The following TRHDE variants were observed in gnomAD, a reference collection of about 807,000 sequenced individuals.
TRHDE encodes the protein thyrotropin-releasing hormone-degrading ectoenzyme.
TRHDE carries 72 observed loss-of-function variants against 125.7 expected under a neutral mutation model. The ratio of observed to expected loss-of-function variants is 0.57; its 90% CI spans 0.47 to 0.70. The LOEUF (loss-of-function observed/expected upper bound fraction) is 0.70. TRHDE is among the 30% of genes least tolerant of loss of function. The pLI, the probability that TRHDE is intolerant of heterozygous loss-of-function variation, is 0.00. For missense variants in TRHDE, 1,110 were observed against 1,327.1 expected, an observed-to-expected ratio of 0.84 and a Z score of 2.54; for synonymous variants, 509 against 509.1, an observed-to-expected ratio of 1.00 and a Z score of 0.00.
intron 12 of TRHDE, among the ~76,000 whole-genome samples, chr12:72,591,949 A>G (rs1871704781): frequency 6.6e-6 from 1 of 151,820 alleles, no homozygotes; most frequent in East Asian, 1.9e-4. Flanking sequence ...CAGTTTAACT[A>G]TGATATATGC....
chr12:72,256,736 T>C (rs1378685344), intron 2 of TRHDE: 1 of 152,212 alleles, frequency 6.6e-6, no homozygotes, highest in African/African-American at 2.4e-5. Context: ...GAAAAGAGAT[T>C]GCTGTAAATT....
chr12:72,148,884 T>C (rs1373130012), intron 2 of TRHDE, among the ~76,000 whole-genome samples: 4 of 152,258 alleles, frequency 2.6e-5, no homozygotes, highest in Non-Finnish European at 5.9e-5. Context: ...TATGTCAGTA[T>C]GATTTATAGA....
intron 2 of TRHDE, among the ~76,000 whole-genome samples, chr12:72,371,248 C>T (rs1270599683): frequency 6.6e-6 from 1 of 151,336 alleles, no homozygotes; most frequent in Non-Finnish European, 1.5e-5. Context: ...TTATTACATA[C>T]TTCATACTTC....
intron 2 of TRHDE, among the ~76,000 whole-genome samples, chr12:72,188,349 G>T (rs569184795): frequency 2.0e-5 from 3 of 152,216 alleles, no homozygotes; most frequent in Non-Finnish European, 4.4e-5. Context: ...AATAGGTAAA[G>T]TCATTGTGAA....
At chr12:72,417,995 A>G (rs1873801398) in intron 3 of TRHDE, among the ~76,000 whole-genome samples, 2 of 152,010 alleles carry the variant, frequency 1.3e-5, no homozygotes, top group South Asian at 4.1e-4. Context: ...CAGATGTCCC[A>G]ACTATTATTT....
chr12:72,427,197 G>A (rs1874225588), intron 3 of TRHDE, among the ~76,000 whole-genome samples: 2 of 152,022 alleles, frequency 1.3e-5, no homozygotes, highest in African/African-American at 4.8e-5. Context: ...GTTATAGTTT[G>A]CCAACCCCTG....
chr12:72,557,651 T>C (rs1001122685), intron 7 of TRHDE, among the ~76,000 whole-genome samples: 4 of 152,166 alleles, frequency 2.6e-5, no homozygotes, highest in African/African-American at 7.2e-5. Flanking sequence ...TCTTTACTTT[T>C]CCCCTTGTCT....
intron 2 of TRHDE, among the ~76,000 whole-genome samples, chr12:72,366,063 C>G (rs940082982): frequency 1.3e-5 from 2 of 152,102 alleles, no homozygotes; most frequent in Admixed American, 1.3e-4. Flanking sequence ...GGAGGTCCAA[C>G]GAACTCTTTC....
At chr12:72,221,303 G>T (rs1877994280) in intron 2 of TRHDE, among the ~76,000 whole-genome samples, 1 of 152,056 alleles carries the variant, frequency 6.6e-6, no homozygotes, top group African/African-American at 2.4e-5. Context: ...CAGGAGCATG[G>T]AAAGAATCAA....
At chr12:72,503,397 T>G (rs903308942) in intron 6 of TRHDE, among the ~76,000 whole-genome samples, 1 of 152,176 alleles carries the variant, frequency 6.6e-6, no homozygotes, top group Non-Finnish European at 1.5e-5. Context: ...TCCAAAATCA[T>G]TTGATAAGCC....
In TRHDE at chr12:72,542,372, T is replaced by A; in HGVS notation, c.1788+16T>A. 5.7e-6 allele frequency: 9 copies of A among 1,588,104 alleles called. No homozygotes were observed. Among genetic ancestry groups the A allele is most frequent in the Non-Finnish European group, 7.7e-6 (9 of 1,163,288 alleles). ...GGGTTTGCAAGTAAGTAAAATGCTT[T>A]TTATTTTCTTTTACATTTTTCCTTG... On this transcript the variant is annotated intron_variant, in intron 7 of 18. Coordinates refer to ENST00000261180, the MANE Select transcript of TRHDE (RefSeq NM_013381.3).
At chr12:72,554,403 G>T (rs1869824322) in intron 7 of TRHDE, among the ~76,000 whole-genome samples, 1 of 152,108 alleles carries the variant, frequency 6.6e-6, no homozygotes. Flanking sequence ...AAGGTTTAGA[G>T]AAAATAGATA....
chr12:72,543,243 T>C lies in TRHDE; in HGVS notation c.1788+887T>C, dbSNP rs188915177. Among the ~76,000 whole-genome samples, 7 of 151,544 alleles carry C rather than the reference T, an allele frequency of 4.6e-5. No homozygotes were observed. In the East Asian group the frequency reaches 1.2e-3, roughly 25 times the overall value. ...AATTCTATCTGTACCCCCAAATAAA[T>C]TGAAAGATAAAATACAAGGCAAGAG... On this transcript the variant is annotated intron_variant, in intron 7 of 18. Coordinates refer to ENST00000261180, the MANE Select transcript of TRHDE (RefSeq NM_013381.3).
At chr12:72,211,691 A>T (rs993755551) in intron 2 of TRHDE, among the ~76,000 whole-genome samples, 1 of 152,194 alleles carries the variant, frequency 6.6e-6, no homozygotes, top group African/African-American at 2.4e-5. Flanking sequence ...GGAGATATAG[A>T]TATTTTAAAA....
intron 2 of TRHDE, among the ~76,000 whole-genome samples, chr12:72,135,060 G>A (rs1875950832): frequency 6.6e-6 from 1 of 151,972 alleles, no homozygotes; most frequent in Non-Finnish European, 1.5e-5. Context: ...GAAAAGACAA[G>A]GATGTGAGCA....
At chr12:72,177,914 G>A (rs949322953) in intron 2 of TRHDE, among the ~76,000 whole-genome samples, 2 of 152,044 alleles carry the variant, frequency 1.3e-5, no homozygotes, top group African/African-American at 2.4e-5. Flanking sequence ...ATTGTATTTT[G>A]TCAAAGTAAT....
intron 2 of TRHDE, among the ~76,000 whole-genome samples, chr12:72,214,817 A>G (rs1877851607): frequency 6.6e-6 from 1 of 152,206 alleles, no homozygotes; most frequent in East Asian, 1.9e-4. Flanking sequence ...ATTTCTCTTC[A>G]TCCTACTCCT....
intron 2 of TRHDE, among the ~76,000 whole-genome samples, chr12:72,236,743 A>G (rs1878345441): frequency 6.6e-6 from 1 of 152,220 alleles, no homozygotes; most frequent in African/African-American, 2.4e-5. Context: ...AGATCAATTT[A>G]TAGTACTTGC....
chr12:72,499,579 G>C lies in TRHDE; in HGVS notation c.1666G>C (p.Glu556Gln). The C allele has an allele frequency of 1.9e-6, 3 of 1,613,920 alleles. No homozygotes were observed. The highest frequency in any genetic ancestry group is 2.5e-6 in the Non-Finnish European group (3 of 1,179,886). The change falls in exon 6 of 19, where the codon GAA becomes CAA. Residue 556 changes from glutamate to glutamine, a missense_variant. By Grantham distance (29) the Glu-to-Gln change is conservative. Transcript: ENST00000261180. ...GGCCAGTTCCCATCCAGTATCACAGGAAGTGCTGCAGGCAACAGATATTGA... is the reference window on the plus strand; with the variant it reads ...GGCCAGTTCCCATCCAGTATCACAGCAAGTGCTGCAGGCAACAGATATTGA... ...GLASSHPVSQEVLQATDIDRV... is the reference protein window; with the variant it reads ...GLASSHPVSQQVLQATDIDRV...
Sources: allele counts gnomAD v4.1 joint callset (sites outside exome capture counted in the v4.1 genomes callset), GRCh38; gene constraint gnomAD v4.1.1; transcripts MANE v1.5; gene names NCBI Gene and HGNC (gene_info 2026-07-23, HGNC 2026-07-21).